CAMKMT: variants seen among roughly 807,000 people sequenced by gnomAD.
CAMKMT encodes CaM KMT.
A neutral mutation model predicts 48.0 loss-of-function variants in CAMKMT; 53 were observed. The ratio of observed to expected loss-of-function variants is 1.10; its 90% CI spans 0.89 to 1.39. The LOEUF (loss-of-function observed/expected upper bound fraction) is 1.39. Among genes scored for constraint, CAMKMT ranks in the 40% most tolerant of loss-of-function variants. The pLI, the probability that CAMKMT is intolerant of heterozygous loss-of-function variation, is 0.00. For synonymous variants in CAMKMT, 165 were observed against 152.3 expected (o/e 1.08, Z -0.61); for missense variants, 428 against 402.7 (o/e 1.06, Z -0.54).
At chr2:44,395,789 A>G (rs1042811977) in intron 3 of CAMKMT, among the ~76,000 whole-genome samples, 3 of 152,120 alleles carry the variant, frequency 2.0e-5, no homozygotes, top group Non-Finnish European at 4.4e-5. Flanking sequence ...TTTTTTCAGT[A>G]CCTTTGTTAT....
At chr2:44,587,719 A>G (rs1408454881) in intron 3 of CAMKMT, among the ~76,000 whole-genome samples, 1 of 130,400 alleles carries the variant, frequency 7.7e-6, no homozygotes, top group African/African-American at 2.9e-5. Flanking sequence ...ACCGCGAGTG[A>G]TCCGCCAGCC....
chr2:44,584,543 C>G (rs1669744570), intron 3 of CAMKMT, among the ~76,000 whole-genome samples: 1 of 152,160 alleles, frequency 6.6e-6, no homozygotes, highest in African/African-American at 2.4e-5. Flanking sequence ...AGGTAAAACA[C>G]TAAAATTAAT....
chr2:44,652,303 C>T (rs548048941), intron 3 of CAMKMT, among the ~76,000 whole-genome samples: 2 of 152,288 alleles, frequency 1.3e-5, no homozygotes, highest in South Asian at 2.1e-4. Flanking sequence ...ACTTGCCCCT[C>T]GCTTCTCAGA....
chr2:44,538,373 CAAAA>C (rs202189281), intron 3 of CAMKMT, among the ~76,000 whole-genome samples: 1 of 129,768 alleles, frequency 7.7e-6, no homozygotes, highest in African/African-American at 3.2e-5. Context: ...ATCTCAAAAA[CAAAA>C]AAAAAAAAGA....
At chr2:44,535,398 T>C (rs1466984205) in intron 3 of CAMKMT, among the ~76,000 whole-genome samples, 2 of 152,108 alleles carry the variant, frequency 1.3e-5, no homozygotes, top group Non-Finnish European at 2.9e-5. Flanking sequence ...AGGCCAGCAT[T>C]ACCCTGATAA....
chr2:44,667,879 T>C (rs528374734), intron 3 of CAMKMT, among the ~76,000 whole-genome samples: 1 of 152,264 alleles, frequency 6.6e-6, no homozygotes, highest in African/African-American at 2.4e-5. Context: ...CTGCCTCAGG[T>C]TCTCATTTAT....
intron 3 of CAMKMT, among the ~76,000 whole-genome samples, chr2:44,523,750 A>G (rs1671249893): frequency 6.7e-6 from 1 of 150,130 alleles, no homozygotes. Context: ...GGTTCAGAGA[A>G]GAGCCTCCAG....
chr2:44,593,780 T>TTTTTTTGG (rs1670466407), intron 3 of CAMKMT, among the ~76,000 whole-genome samples: 2 of 149,968 alleles, frequency 1.3e-5, no homozygotes, highest in African/African-American at 2.5e-5. Context: ...TTTTTTTTTT[T>TTTTTTTGG]GAGGCGGAAT....
At chr2:44,603,228 A>G (rs1671100269) in intron 3 of CAMKMT, among the ~76,000 whole-genome samples, 1 of 151,804 alleles carries the variant, frequency 6.6e-6, no homozygotes, top group African/African-American at 2.4e-5. Context: ...AGCTGGGATT[A>G]CGACATGTGC....
At chr2:44,586,390 A>G (rs1240132318) in intron 3 of CAMKMT, among the ~76,000 whole-genome samples, 1 of 151,978 alleles carries the variant, frequency 6.6e-6, no homozygotes, top group Non-Finnish European at 1.5e-5. Context: ...AATAATGAAC[A>G]TATTTATCAC....
At position 44,372,758 on chromosome 2, in the gene CAMKMT, TC is replaced by T; in HGVS notation, c.182del (p.Ser61LeufsTer2). 1 of 1,613,594 alleles carries T rather than the reference TC, an allele frequency of 6.2e-7. No homozygotes were observed. The highest frequency in any genetic ancestry group is 8.5e-7 in the Non-Finnish European group (1 of 1,179,848). ...KHLDDCLRHVSVRRFESFNLF... is the reference protein window; with the variant it reads ...KHLDDCLRHVXVRRFESFNLF... ...CCTGGATGATTGCCTGCGACATGTA[TC>T]TGTAAGAAGATTTGAATCATTTAAT... is the stretch of plus-strand genomic sequence containing the variant. On this transcript the variant is annotated frameshift_variant, in exon 2 of 11. Transcript: ENST00000378494. LOFTEE classifies it high-confidence loss of function.
chr2:44,629,841 A>G (rs1033398678), intron 3 of CAMKMT, among the ~76,000 whole-genome samples: 3 of 152,136 alleles, frequency 2.0e-5, no homozygotes, highest in African/African-American at 4.8e-5. Context: ...TATAGATTCA[A>G]TGCCATCCCC....
intron 6 of CAMKMT, among the ~76,000 whole-genome samples, chr2:44,711,673 T>G (rs1677886388): frequency 6.6e-6 from 1 of 152,154 alleles, no homozygotes; most frequent in African/African-American, 2.4e-5. Context: ...CCAAACCTCA[T>G]GTTAGTTACT....
chr2:44,577,114 A>G (rs1669266143), intron 3 of CAMKMT, among the ~76,000 whole-genome samples: 1 of 152,242 alleles, frequency 6.6e-6, no homozygotes. Flanking sequence ...CTGGTTGTAC[A>G]AGGGAAATGC....
chr2:44,731,857 C>CA (rs1267986371), intron 7 of CAMKMT, among the ~76,000 whole-genome samples: 1 of 152,210 alleles, frequency 6.6e-6, no homozygotes, highest in African/African-American at 2.4e-5. Flanking sequence ...CGTTTGAACT[C>CA]AGAGCTATCC....
intron 3 of CAMKMT, among the ~76,000 whole-genome samples, chr2:44,477,056 T>G (rs1310699064): frequency 3.9e-5 from 6 of 152,174 alleles, no homozygotes; most frequent in Non-Finnish European, 5.9e-5. Flanking sequence ...TTTAGGAAAA[T>G]TTTAAAAATT....
intron 3 of CAMKMT, among the ~76,000 whole-genome samples, chr2:44,631,334 A>G (rs1672810318): frequency 6.6e-6 from 1 of 152,192 alleles, no homozygotes; most frequent in Non-Finnish European, 1.5e-5. Flanking sequence ...CCAGCAAGTC[A>G]CATGTATACA....
At chr2:44,505,740 C>T (rs973027280) in intron 3 of CAMKMT, among the ~76,000 whole-genome samples, 2 of 152,032 alleles carry the variant, frequency 1.3e-5, no homozygotes, top group African/African-American at 4.8e-5. Flanking sequence ...TGTAAGTGGA[C>T]CCGTGCAGTT....
At chr2:44,487,916 C>T (rs1394981920) in intron 3 of CAMKMT, among the ~76,000 whole-genome samples, 1 of 152,202 alleles carries the variant, frequency 6.6e-6, no homozygotes, top group African/African-American at 2.4e-5. Flanking sequence ...GCCTACAGGC[C>T]AGATTTCAAA....
Sources: gnomAD v4.1 joint callset for allele counts (sites outside exome capture counted in the v4.1 genomes callset) on GRCh38, gnomAD v4.1.1 for gene constraint, MANE v1.5 for transcripts, NCBI Gene and HGNC (gene_info 2026-07-23, HGNC 2026-07-21) for gene names.